The following MDFIC variants were observed in gnomAD, a reference collection of about 807,000 sequenced individuals.
MDFIC encodes the protein myoD family inhibitor domain-containing protein.
MDFIC carries 17 observed loss-of-function variants against 23.2 expected under a neutral mutation model. The ratio of observed to expected loss-of-function variants is 0.73; its 90% CI spans 0.50 to 1.10. The LOEUF is 1.10. Among genes scored for constraint, MDFIC ranks in the 50% least tolerant of loss-of-function variants. The pLI, the probability that MDFIC is intolerant of heterozygous loss-of-function variation, is 0.00. For synonymous variants in MDFIC, 120 were observed against 115.2 expected (o/e 1.04, Z -0.27); for missense variants, 356 against 316.6 (o/e 1.12, Z -0.95).
intron 4 of MDFIC, among the ~76,000 whole-genome samples, chr7:115,005,777 T>G (rs1791557894): frequency 6.6e-6 from 1 of 152,220 alleles, no homozygotes; most frequent in African/African-American, 2.4e-5. Context: ...AATGTCATGC[T>G]GTCCTGTTCA....
chr7:114,999,692 G>A (rs2709516), intron 4 of MDFIC, among the ~76,000 whole-genome samples: 145,033 of 152,012 alleles, frequency 0.95, 69,568 homozygotes, highest in East Asian at 1. Context: ...TTAAATATAG[G>A]TGGTTTAAGT....
At chr7:114,952,594 G>T (rs1053003380) in intron 3 of MDFIC, among the ~76,000 whole-genome samples, 1 of 152,108 alleles carries the variant, frequency 6.6e-6, no homozygotes, top group African/African-American at 2.4e-5. Context: ...TTACATTAAA[G>T]TGAACCATAG....
At chr7:115,003,793 CAG>C (rs1200371613) in intron 4 of MDFIC, among the ~76,000 whole-genome samples, 1 of 152,150 alleles carries the variant, frequency 6.6e-6, no homozygotes, top group Non-Finnish European at 1.5e-5. Context: ...AGACATAACT[CAG>C]GAATCACCCT....
chr7:114,996,630 T>A (rs1791337863), intron 4 of MDFIC, among the ~76,000 whole-genome samples: 1 of 152,154 alleles, frequency 6.6e-6, no homozygotes, highest in South Asian at 2.1e-4. Context: ...GAATGTATAG[T>A]GGATGAGGTC....
intron 4 of MDFIC, among the ~76,000 whole-genome samples, chr7:114,986,109 C>T (rs1448808303): frequency 1.3e-5 from 2 of 150,246 alleles, no homozygotes; most frequent in Non-Finnish European, 2.9e-5. Context: ...CCATGTTGAG[C>T]TTGGGATGCT....
At chr7:114,928,961 T>C (rs928091722) in intron 2 of MDFIC, among the ~76,000 whole-genome samples, 9 of 152,176 alleles carry the variant, frequency 5.9e-5, no homozygotes, top group African/African-American at 2.2e-4. Context: ...TTTTTACTTA[T>C]TCATCTTTGA....
At chr7:114,982,454 G>T (rs1793434518) in intron 4 of MDFIC, among the ~76,000 whole-genome samples, 1 of 151,970 alleles carries the variant, frequency 6.6e-6, no homozygotes, top group Non-Finnish European at 1.5e-5. Context: ...GTTTGAGAGG[G>T]CCACTGGGGA....
chr7:114,924,717 T>C (rs1417667006), intron 2 of MDFIC, among the ~76,000 whole-genome samples: 3 of 152,232 alleles, frequency 2.0e-5, no homozygotes, highest in South Asian at 4.1e-4. Context: ...GATCCAAAAC[T>C]TTCTTTAAAT....
chr7:114,923,408 A>G, intron 2 of MDFIC: 1 of 1,497,126 alleles, frequency 6.7e-7, no homozygotes, highest in Non-Finnish European at 9.0e-7. Context: ...AAGCATATGC[A>G]TGTTTGGGCC....
At chr7:114,986,155 G>A (rs1464585401) in intron 4 of MDFIC, among the ~76,000 whole-genome samples, 1 of 151,986 alleles carries the variant, frequency 6.6e-6, no homozygotes, top group East Asian at 1.9e-4. Flanking sequence ...ACCTATGGGA[G>A]GACTGAAACC....
Position 115,016,014 on chromosome 7 carries a change from A to G in MDFIC, c.*79A>G, listed in dbSNP as rs1791788147. ...GGGGGGAAGAAAAGCACATTGTAAG[A>G]TTCTCATGAAACAACATGGAATTTG... On this transcript the variant is annotated 3_prime_UTR_variant, in exon 5 of 5. Transcript: ENST00000393486. 6 of 1,397,228 alleles carry G rather than the reference A, an allele frequency of 4.3e-6. No homozygotes were observed. Among genetic ancestry groups the G allele is most frequent in the Middle Eastern group, 1.9e-4 (1 of 5,182 alleles). 86.6% of individuals were successfully genotyped at this position (1,397,228 alleles called of 1,614,324 possible). A position where few individuals can be genotyped will look rare whatever the true frequency, so the allele number is the denominator to read the frequency against.
chr7:114,990,397 A>C (rs1002910688), intron 4 of MDFIC, among the ~76,000 whole-genome samples: 1 of 152,024 alleles, frequency 6.6e-6, no homozygotes, highest in East Asian at 1.9e-4. Flanking sequence ...CATGTGCACA[A>C]CGTGCAGGTT....
At chr7:114,925,993 CT>C (rs1792182845) in intron 2 of MDFIC, among the ~76,000 whole-genome samples, 1 of 152,102 alleles carries the variant, frequency 6.6e-6, no homozygotes, top group African/African-American at 2.4e-5. Flanking sequence ...GTATACATGT[CT>C]TGATAGGTGA....
chr7:115,001,304 A>G (rs1193380841), intron 4 of MDFIC, among the ~76,000 whole-genome samples: 2 of 152,204 alleles, frequency 1.3e-5, no homozygotes, highest in Non-Finnish European at 2.9e-5. Flanking sequence ...CCAAAGAAAT[A>G]TTAAACCTGC....
Position 115,016,067 on chromosome 7 carries a change from C to T in MDFIC, c.*132C>T. The T allele has an allele frequency of 3.3e-6, 3 of 897,880 alleles. No individual in the cohort carries two copies. The highest frequency in any genetic ancestry group is 5.0e-6 in the Non-Finnish European group (3 of 600,456). 55.6% of individuals were successfully genotyped at this position (897,880 alleles called of 1,614,324 possible). On this transcript the variant is annotated 3_prime_UTR_variant, in exon 5 of 5. Transcript: ENST00000393486. ...CTGTTAACTCATTATTGTAAGTAAT[C>T]TCTGAAAGCCTTTTTACTTTAACCA... is the stretch of plus-strand genomic sequence containing the variant.
chr7:115,004,028 A>T (rs1037511039), intron 4 of MDFIC, among the ~76,000 whole-genome samples: 1 of 152,208 alleles, frequency 6.6e-6, no homozygotes, highest in Non-Finnish European at 1.5e-5. Context: ...GCACTATATA[A>T]AAGGTTGCTA....
intron 4 of MDFIC, among the ~76,000 whole-genome samples, chr7:115,006,175 G>A (rs1420555267): frequency 6.6e-6 from 1 of 152,204 alleles, no homozygotes; most frequent in African/African-American, 2.4e-5. Context: ...AGTCACTGTT[G>A]GGGACCTCTC....
intron 3 of MDFIC, among the ~76,000 whole-genome samples, chr7:114,946,201 G>A (rs1169603753): frequency 2.0e-5 from 3 of 150,048 alleles, no homozygotes; most frequent in South Asian, 2.1e-4. Context: ...CAGTCTTTGC[G>A]GGGATTTCTA....
At chr7:115,003,597 G>A (rs951888318) in intron 4 of MDFIC, among the ~76,000 whole-genome samples, 3 of 152,020 alleles carry the variant, frequency 2.0e-5, no homozygotes, top group Non-Finnish European at 4.4e-5. Context: ...ACTGCATGTC[G>A]TTCCTGCTTC....
Sources: allele counts gnomAD v4.1 joint callset (sites outside exome capture counted in the v4.1 genomes callset), GRCh38; gene constraint gnomAD v4.1.1; transcripts MANE v1.5; gene names NCBI Gene and HGNC (gene_info 2026-07-23, HGNC 2026-07-21).